Variants in FAM78B observed in about 807,000 individuals in gnomAD.
The protein encoded by FAM78B is family with sequence similarity 78 member B, also known as protein FAM78B.
A neutral mutation model predicts 20.0 loss-of-function variants in FAM78B; 10 were observed. The ratio of observed to expected loss-of-function variants is 0.50; its 90% CI spans 0.31 to 0.85. The LOEUF is 0.85. Ranked by LOEUF, FAM78B falls within the 40% of genes least tolerant of loss-of-function variation. FAM78B has a pLI of 0.05. For synonymous variants in FAM78B, 135 were observed against 132.8 expected (o/e 1.02, Z -0.12); for missense variants, 283 against 345.0 (o/e 0.82, Z 1.42).
At chr1:166,116,914 G>A (rs929155980) in intron 1 of FAM78B, among the ~76,000 whole-genome samples, 2 of 152,284 alleles carry the variant, frequency 1.3e-5, no homozygotes, top group Middle Eastern at 3.4e-3. Context: ...ATCCCATGAC[G>A]CTTTGTCTCT....
chr1:166,146,645 C>T (rs528964230), intron 1 of FAM78B, among the ~76,000 whole-genome samples: 27 of 152,162 alleles, frequency 1.8e-4, no homozygotes, highest in East Asian at 1.7e-3. Context: ...TGGGAAGTTG[C>T]GAATATACAA....
At chr1:166,144,276 G>A (rs530296754) in intron 1 of FAM78B, among the ~76,000 whole-genome samples, 1 of 152,240 alleles carries the variant, frequency 6.6e-6, no homozygotes, top group East Asian at 1.9e-4. Context: ...CTGTGAGTAA[G>A]GCTGGGGAGT....
rs763715884 is a variant in FAM78B, at chr1:166,070,334, AG to A, written c.692del (p.Pro231LeufsTer4). The A allele has an allele frequency of 6.2e-7, 1 of 1,609,718 alleles. No individual in the cohort carries two copies. The highest frequency in any genetic ancestry group is 8.5e-7 in the Non-Finnish European group (1 of 1,177,660). On this transcript the variant is annotated frameshift_variant, in exon 2 of 2. Transcript: ENST00000354422. LOFTEE classifies it high-confidence loss of function. The part of the protein sequence containing the change: ...RILSRMEPIP[P>X]NALVKPNAND... ...TGGCATTGGGTTTCACTAGTGCATTAGGGGGGATGGGTTCCATCCGGCTCAG... is the reference window on the plus strand; with the variant it reads ...TGGCATTGGGTTTCACTAGTGCATTAGGGGGATGGGTTCCATCCGGCTCAG...
chr1:166,145,216 G>C (rs1655413397), intron 1 of FAM78B, among the ~76,000 whole-genome samples: 1 of 152,186 alleles, frequency 6.6e-6, no homozygotes, highest in African/African-American at 2.4e-5. Context: ...AGCACTGCAG[G>C]AATCACCATC....
intron 1 of FAM78B, among the ~76,000 whole-genome samples, chr1:166,104,866 T>C (rs906925882): frequency 1.3e-5 from 2 of 152,148 alleles, no homozygotes; most frequent in Admixed American, 6.5e-5. Flanking sequence ...TTAAAGTTCA[T>C]ATGGAACTAA....
intron 1 of FAM78B, among the ~76,000 whole-genome samples, chr1:166,096,326 A>C (rs1483621490): frequency 6.6e-6 from 1 of 152,132 alleles, no homozygotes; most frequent in Non-Finnish European, 1.5e-5. Flanking sequence ...TGGCCTGGCC[A>C]CTCTGGCATA....
At chr1:166,116,393 C>T (rs1407419840) in intron 1 of FAM78B, among the ~76,000 whole-genome samples, 6 of 152,184 alleles carry the variant, frequency 3.9e-5, no homozygotes, top group Non-Finnish European at 8.8e-5. Context: ...GGATGCTATT[C>T]CCACATAGGC....
chr1:166,136,131 G>T (rs1655054289), intron 1 of FAM78B, among the ~76,000 whole-genome samples: 1 of 152,146 alleles, frequency 6.6e-6, no homozygotes, highest in African/African-American at 2.4e-5. Context: ...AAACAAACCT[G>T]CCAGTAATTT....
chr1:166,125,977 A>T (rs1471891270), intron 1 of FAM78B, among the ~76,000 whole-genome samples: 1 of 151,820 alleles, frequency 6.6e-6, no homozygotes, highest in East Asian at 1.9e-4. Flanking sequence ...GACTACAGGC[A>T]TGTACTACCA....
intron 1 of FAM78B, among the ~76,000 whole-genome samples, chr1:166,139,265 T>C (rs1655186910): frequency 6.6e-6 from 1 of 152,148 alleles, no homozygotes; most frequent in Admixed American, 6.5e-5. Flanking sequence ...ACCAATACAT[T>C]TCCCATCATC....
chr1:166,063,832 C>T (rs562562435), intron 2 of FAM78B, among the ~76,000 whole-genome samples: 7 of 152,312 alleles, frequency 4.6e-5, no homozygotes, highest in African/African-American at 1.4e-4. Context: ...TCCCTTCTCC[C>T]GGGCATTTCT....
At chr1:166,087,743 A>C (rs763818035) in intron 1 of FAM78B, among the ~76,000 whole-genome samples, 33 of 152,178 alleles carry the variant, frequency 2.2e-4, no homozygotes, top group Non-Finnish European at 4.1e-4. Context: ...TCAATTTTTA[A>C]AAGTTACATT....
At chr1:166,154,733 A>G (rs756475923) in intron 1 of FAM78B, 2 of 525,828 alleles carry the variant, frequency 3.8e-6, no homozygotes, top group Non-Finnish European at 7.8e-6. Context: ...GCCCTGACCC[A>G]CAGAATTAGC....
At chr1:166,112,586 C>T (rs1654096953) in intron 1 of FAM78B, among the ~76,000 whole-genome samples, 1 of 152,202 alleles carries the variant, frequency 6.6e-6, no homozygotes, top group Non-Finnish European at 1.5e-5. Flanking sequence ...TAACGTCCCA[C>T]TCCAGCTGCT....
intron 1 of FAM78B, among the ~76,000 whole-genome samples, chr1:166,089,381 T>G (rs1336936424): frequency 6.6e-6 from 1 of 152,100 alleles, no homozygotes; most frequent in Non-Finnish European, 1.5e-5. Flanking sequence ...TCAGCGTGTA[T>G]GAAGAGTGAA....
At chr1:166,105,096 C>T (rs10918354) in intron 1 of FAM78B, among the ~76,000 whole-genome samples, 4 of 151,850 alleles carry the variant, frequency 2.6e-5, no homozygotes, top group African/African-American at 9.7e-5. Flanking sequence ...CAAAAACAAG[C>T]AATGGGGAAA....
chr1:166,131,944 A>G (rs1654891126), intron 1 of FAM78B, among the ~76,000 whole-genome samples: 1 of 152,154 alleles, frequency 6.6e-6, no homozygotes, highest in Non-Finnish European at 1.5e-5. Flanking sequence ...GTGTACATGC[A>G]TTGCTCTCCC....
At chr1:166,064,741 T>C (rs542174781), downstream of FAM78B, among the ~76,000 whole-genome samples, 1 of 152,314 alleles carries the variant, frequency 6.6e-6, no homozygotes, top group African/African-American at 2.4e-5. Flanking sequence ...GCCCTGTGAT[T>C]CTACTCAAGT....
chr1:166,136,888 T>A (rs1334960589), intron 1 of FAM78B, among the ~76,000 whole-genome samples: 1 of 152,208 alleles, frequency 6.6e-6, no homozygotes, highest in East Asian at 1.9e-4. Context: ...GCATAATGCC[T>A]GGCACACAGT....
Sources: gnomAD v4.1 joint callset for allele counts (sites outside exome capture counted in the v4.1 genomes callset) on GRCh38, gnomAD v4.1.1 for gene constraint, MANE v1.5 for transcripts, NCBI Gene and HGNC (gene_info 2026-07-23, HGNC 2026-07-21) for gene names.